The following ERBB4 variants were observed in gnomAD, a reference collection of about 807,000 sequenced individuals.
ERBB4 encodes receptor tyrosine-protein kinase erbB-4.
ERBB4 carries 42 observed loss-of-function variants against 158.0 expected under a neutral mutation model. That is an observed-to-expected ratio of 0.27 (90% confidence interval 0.21 to 0.34). The LOEUF (loss-of-function observed/expected upper bound fraction) is 0.34. Ranked by LOEUF, ERBB4 falls within the 10% of genes least tolerant of loss-of-function variation. The pLI is 1.00. For missense variants in ERBB4, 1,333 were observed against 1,624.1 expected (o/e 0.82, Z 3.08); for synonymous variants, 583 against 558.7 (o/e 1.04, Z -0.61).
In ERBB4 at chr2:211,601,607, G is replaced by C. The variant is rs183276853; in HGVS notation, c.2301+17570C>G. Reference sequence around the variant, plus strand: ...AGAAATTTGGCATCCAAATGGCATTGGACTGCAATAACAGCAATACTGGAA... The same window carrying C: ...AGAAATTTGGCATCCAAATGGCATTCGACTGCAATAACAGCAATACTGGAA... On this transcript the variant is annotated intron_variant, in intron 19 of 27. Coordinates refer to ENST00000342788, the MANE Select transcript of ERBB4 (RefSeq NM_005235.3). Among the ~76,000 whole-genome samples, 92 of 152,122 alleles carry C rather than the reference G, an allele frequency of 6.0e-4. 1 individual carries two copies. The highest frequency in any genetic ancestry group is 1.8e-3 in the African/African-American group (76 of 41,490).
At chr2:211,681,306 T>A (rs2072323140) in intron 12 of ERBB4, among the ~76,000 whole-genome samples, 1 of 152,186 alleles carries the variant, frequency 6.6e-6, no homozygotes, top group South Asian at 2.1e-4. Context: ...ATAGTAGTAG[T>A]AGATTACTAT....
At chr2:211,968,345 C>T (rs1483179455) in intron 2 of ERBB4, among the ~76,000 whole-genome samples, 1 of 151,912 alleles carries the variant, frequency 6.6e-6, no homozygotes, top group Non-Finnish European at 1.5e-5. Context: ...AGCATCATTT[C>T]AAGAATTGCT....
intron 4 of ERBB4, among the ~76,000 whole-genome samples, chr2:211,770,831 A>G (rs2075673550): frequency 6.6e-6 from 1 of 152,160 alleles, no homozygotes; most frequent in Admixed American, 6.6e-5. Flanking sequence ...CCTGTGATAT[A>G]CCAGGCCCAG....
At chr2:211,925,537 C>T (rs1253012488) in intron 3 of ERBB4, among the ~76,000 whole-genome samples, 3 of 151,708 alleles carry the variant, frequency 2.0e-5, no homozygotes, top group South Asian at 2.1e-4. Flanking sequence ...ACCCGCCACA[C>T]CTGGCTAATT....
intron 1 of ERBB4, among the ~76,000 whole-genome samples, chr2:212,213,179 G>T (rs13421060): frequency 3.3e-5 from 5 of 151,624 alleles, no homozygotes; most frequent in Non-Finnish European, 5.9e-5. Context: ...TGACAAAGGT[G>T]TAATATCCAG....
chr2:211,599,536 T>TGTGTGTGTGTGTGTGTGTGTGTGTGTG (rs1559336933), intron 19 of ERBB4, among the ~76,000 whole-genome samples: 6 of 150,486 alleles, frequency 4.0e-5, no homozygotes, highest in South Asian at 2.1e-4. Context: ...TGTGTGTGTG[T>TGTGTGTGTGTGTGTGTGTGTGTGTGTG]TTCCTGTCAA....
chr2:211,766,778 T>C (rs950934581), intron 4 of ERBB4, among the ~76,000 whole-genome samples: 1 of 152,080 alleles, frequency 6.6e-6, no homozygotes, highest in Non-Finnish European at 1.5e-5. Context: ...ACCTCTCCAC[T>C]CTCGAGTAAC....
intron 1 of ERBB4, among the ~76,000 whole-genome samples, chr2:212,444,818 C>T (rs1055395203): frequency 2.0e-5 from 3 of 152,092 alleles, no homozygotes; most frequent in Non-Finnish European, 4.4e-5. Context: ...CACCATTCCT[C>T]AGGGTGATCA....
At chr2:211,679,386 C>A (rs1033280667) in intron 12 of ERBB4, among the ~76,000 whole-genome samples, 2 of 152,110 alleles carry the variant, frequency 1.3e-5, no homozygotes, top group African/African-American at 4.8e-5. Context: ...GTTTGTACAG[C>A]AATCTTGCAT....
intron 4 of ERBB4, among the ~76,000 whole-genome samples, chr2:211,785,282 T>C (rs1397747057): frequency 6.6e-6 from 1 of 152,032 alleles, no homozygotes; most frequent in Non-Finnish European, 1.5e-5. Flanking sequence ...TTTGTATTTT[T>C]AGTAGAGGCG....
chr2:211,810,162 T>C (rs1304728191), intron 3 of ERBB4, among the ~76,000 whole-genome samples: 2 of 152,324 alleles, frequency 1.3e-5, no homozygotes, highest in South Asian at 4.1e-4. Flanking sequence ...AGAATGTATA[T>C]TCTGTTGATT....
chr2:211,938,489 AAATT>A (rs1201566293), intron 3 of ERBB4, among the ~76,000 whole-genome samples: 1 of 152,116 alleles, frequency 6.6e-6, no homozygotes, highest in African/African-American at 2.4e-5. Context: ...GTTTAAATTA[AAATT>A]AATTAAAATT....
At chr2:211,818,419 G>A (rs996015019) in intron 3 of ERBB4, among the ~76,000 whole-genome samples, 11 of 151,916 alleles carry the variant, frequency 7.2e-5, no homozygotes, top group East Asian at 1.9e-4. Flanking sequence ...ACAGGAGGGC[G>A]AATTTTAAGG....
At chr2:212,121,463 C>T (rs1206169926) in intron 2 of ERBB4, among the ~76,000 whole-genome samples, 2 of 152,188 alleles carry the variant, frequency 1.3e-5, no homozygotes, top group East Asian at 3.8e-4. Context: ...CCACCTCAGC[C>T]TCTCAAATTG....
intron 5 of ERBB4, among the ~76,000 whole-genome samples, chr2:211,731,079 C>T (rs975581517): frequency 1.3e-5 from 2 of 151,962 alleles, no homozygotes; most frequent in Non-Finnish European, 2.9e-5. Flanking sequence ...GGGAAATTAC[C>T]TATATTTTCG....
At chr2:211,760,418 T>G (rs866226145) in intron 4 of ERBB4, among the ~76,000 whole-genome samples, 2 of 152,320 alleles carry the variant, frequency 1.3e-5, no homozygotes, top group Non-Finnish European at 2.9e-5. Flanking sequence ...CTGGAAGGGG[T>G]AGTGAATACT....
intron 25 of ERBB4, among the ~76,000 whole-genome samples, chr2:211,415,413 C>G (rs2063368136): frequency 6.6e-6 from 1 of 152,154 alleles, no homozygotes; most frequent in Non-Finnish European, 1.5e-5. Context: ...GCCACCGCGC[C>G]CGGCCTGAAT....
chr2:212,336,502 T>C (rs1198819509), intron 1 of ERBB4, among the ~76,000 whole-genome samples: 2 of 152,062 alleles, frequency 1.3e-5, no homozygotes, highest in Non-Finnish European at 2.9e-5. Context: ...TTTGTAGGTA[T>C]TTGATGCCAA....
intron 1 of ERBB4, among the ~76,000 whole-genome samples, chr2:212,404,920 A>G (rs113579208): frequency 0.034 from 5,245 of 152,050 alleles, 151 homozygotes; most frequent in East Asian, 0.057. Context: ...TTCTGTTCCT[A>G]CATTAGTTTG....
Sources: gnomAD v4.1 joint callset for allele counts (sites outside exome capture counted in the v4.1 genomes callset) on GRCh38, gnomAD v4.1.1 for gene constraint, MANE v1.5 for transcripts, NCBI Gene and HGNC (gene_info 2026-07-23, HGNC 2026-07-21) for gene names.